Variants in CERS1 observed in about 807,000 individuals in gnomAD.
The protein encoded by CERS1 is ceramide synthase 1.
CERS1 carries 16 observed loss-of-function variants against 35.7 expected under a neutral mutation model. The ratio of observed to expected loss-of-function variants is 0.45; its 90% CI spans 0.30 to 0.68. The LOEUF (loss-of-function observed/expected upper bound fraction) is 0.68. CERS1 is among the 30% of genes least tolerant of loss of function. The pLI, the probability that CERS1 is intolerant of heterozygous loss-of-function variation, is 0.08. For synonymous variants in CERS1, 243 were observed against 201.6 expected (o/e 1.21, Z -1.74); for missense variants, 454 against 453.9 (o/e 1.00, Z 0.00).
At chr19:18,874,187 A>G (rs2056022714) in intron 6 of CERS1, among the ~76,000 whole-genome samples, 1 of 152,172 alleles carries the variant, frequency 6.6e-6, no homozygotes, top group Non-Finnish European at 1.5e-5. Flanking sequence ...TCTTGGGGAC[A>G]TGTTGGCCAG....
chr19:18,884,629 G>A (rs1245761037), intron 2 of CERS1, among the ~76,000 whole-genome samples: 9 of 149,942 alleles, frequency 6.0e-5, no homozygotes, highest in African/African-American at 2.2e-4. Context: ...GGATGGTCTC[G>A]ATCTCCTGAC....
rs1335008737 is a variant in CERS1, at chr19:18,868,780, C to G, written c.*1205G>C. 1 of 1,465,016 alleles carries G rather than the reference C, an allele frequency of 6.8e-7. No individual in the cohort carries two copies. The highest frequency in any genetic ancestry group is 9.1e-7 in the Non-Finnish European group (1 of 1,099,828). 90.8% of individuals were successfully genotyped at this position (1,465,016 alleles called of 1,614,324 possible). ...GCAGCACAGCGTGGTTGAGCGCCGG[C>G]GGCCCCCCGGACCCCGACAGCGCGA... On this transcript the variant is annotated 3_prime_UTR_variant, in exon 8 of 8. Coordinates refer to ENST00000623882, the MANE Select transcript of CERS1 (RefSeq NM_021267.5).
chr19:18,869,800 T>C (rs2055931405), intron 7 of CERS1, among the ~76,000 whole-genome samples, 183 bp downstream of exon 7: 1 of 152,004 alleles, frequency 6.6e-6, no homozygotes, highest in Non-Finnish European at 1.5e-5. Context: ...CCCCCTGACA[T>C]GTGTCCCCGG....
At chr19:18,871,515 C>G (rs1387809710) in intron 6 of CERS1, among the ~76,000 whole-genome samples, 1 of 152,166 alleles carries the variant, frequency 6.6e-6, no homozygotes, top group Non-Finnish European at 1.5e-5. Context: ...AGCCACCGTG[C>G]CTGGCCCCAG....
At chr19:18,877,901 G>T in intron 6 of CERS1, 1 of 935,312 alleles carries the variant, frequency 1.1e-6, no homozygotes, top group Non-Finnish European at 1.3e-6. Context: ...ACCAGCTCGA[G>T]CCAAAAGTCT....
chr19:18,878,246 C>T lies in CERS1; in HGVS notation c.1010+684G>A, dbSNP rs191513907. On this transcript the variant is annotated intron_variant, in intron 6 of 7. Transcript: ENST00000623882. The surrounding 1 kb of genome is among the most constrained non-coding windows in gnomAD (Gnocchi z 4.6). ...CGTTGCCTATGAGACACTGCACACCCGACTCTGCTTGTTACCCAGTTTGGC... is the reference window on the plus strand; with the variant it reads ...CGTTGCCTATGAGACACTGCACACCTGACTCTGCTTGTTACCCAGTTTGGC... The T allele has an allele frequency of 1.7e-4, 166 of 985,822 alleles. 1 individual carries two copies. The East Asian group carries it at 2.6e-3, about 16-fold the overall frequency. 61.1% of individuals were successfully genotyped at this position (985,822 alleles called of 1,614,324 possible).
chr19:18,893,514 C>T lies in CERS1; in HGVS notation c.311G>A (p.Trp104Ter). 6.2e-7 allele frequency: 1 copy of T among 1,610,482 alleles called. No homozygotes were observed. The highest frequency in any genetic ancestry group is 8.5e-7 in the Non-Finnish European group (1 of 1,178,688). ...RDAAKMPESA[W>*]KFLFYLGSWS... ...GCTGCCCAGGTAGAAGAGAAACTTCCAAGCGCTCTCGGGCATCTTGGCGGC... is the reference window on the plus strand; with the variant it reads ...GCTGCCCAGGTAGAAGAGAAACTTCTAAGCGCTCTCGGGCATCTTGGCGGC... Residue 104 changes from tryptophan to a stop codon, truncating the protein, a stop_gained, in exon 2 of 8, where the codon TGG becomes TAG. Transcript: ENST00000623882. LOFTEE classifies it high-confidence loss of function.
chr19:18,868,783 C>A lies in CERS1; in HGVS notation c.*1202G>T, dbSNP rs1288122892. 4.8e-6 allele frequency: 7 copies of A among 1,459,362 alleles called. No individual in the cohort carries two copies. The highest frequency in any genetic ancestry group is 3.1e-5 in the East Asian group (1 of 31,858). 90.4% of individuals were successfully genotyped at this position (1,459,362 alleles called of 1,614,324 possible). On this transcript the variant is annotated 3_prime_UTR_variant, in exon 8 of 8. Coordinates refer to ENST00000623882, the MANE Select transcript of CERS1 (RefSeq NM_021267.5). ...GCACAGCGTGGTTGAGCGCCGGCGGCCCCCCGGACCCCGACAGCGCGACGG... is the reference window on the plus strand; with the variant it reads ...GCACAGCGTGGTTGAGCGCCGGCGGACCCCCGGACCCCGACAGCGCGACGG...
At chr19:18,876,594 A>C (rs1214708389) in intron 6 of CERS1, among the ~76,000 whole-genome samples, 3 of 150,420 alleles carry the variant, frequency 2.0e-5, no homozygotes, top group East Asian at 3.9e-4. Context: ...TATATTGCCC[A>C]GGCTGGTCTT....
rs1191052785 is a variant in CERS1 at position 18,878,051 on chromosome 19, G to A, written c.1010+879C>T. The A allele has an allele frequency of 2.5e-5, 25 of 985,246 alleles. No individual in the cohort carries two copies. Among genetic ancestry groups the A allele is most frequent in the African/African-American group, 5.2e-5 (3 of 57,170 alleles). The allele number at this position is 985,246 out of a possible 1,614,324, so 61.0% of individuals were successfully genotyped here. A position where few individuals can be genotyped will look rare whatever the true frequency, so the allele number is the denominator to read the frequency against. Reference sequence around the variant, plus strand: ...CGGATGTGTTAAATGTCTGCATCTCGCACCTCCCGTTCCAAAAAACGTCAC... The same window carrying A: ...CGGATGTGTTAAATGTCTGCATCTCACACCTCCCGTTCCAAAAAACGTCAC... On this transcript the variant is annotated intron_variant, in intron 6 of 7. Coordinates refer to ENST00000623882, the MANE Select transcript of CERS1 (RefSeq NM_021267.5). This position sits in a 1 kb window ranked among gnomAD's most constrained non-coding sequence, Gnocchi z 4.6.
chr19:18,877,543 G>C (rs779118491), intron 6 of CERS1, among the ~76,000 whole-genome samples: 1 of 152,140 alleles, frequency 6.6e-6, no homozygotes, highest in Non-Finnish European at 1.5e-5. Context: ...CTTGAGCCCA[G>C]GTGTTTGAGA....
chr19:18,893,713 C>G, intron 1 of CERS1, 138 bp from the exon 2 acceptor site: 4 of 864,318 alleles, frequency 4.6e-6, no homozygotes, highest in East Asian at 2.7e-5. Flanking sequence ...CCACAGCCAC[C>G]TGGAGCATAA....
chr19:18,891,740 G>T (rs1486262582), intron 2 of CERS1, among the ~76,000 whole-genome samples: 1 of 151,470 alleles, frequency 6.6e-6, no homozygotes, highest in East Asian at 1.9e-4. Flanking sequence ...ACCATACCAG[G>T]CTAATTTTTT....
intron 6 of CERS1, among the ~76,000 whole-genome samples, chr19:18,872,348 C>T (rs1314405276): frequency 6.6e-6 from 1 of 152,040 alleles, no homozygotes; most frequent in Non-Finnish European, 1.5e-5. Context: ...ATCTTTTTTT[C>T]TTGTTTTGTT....
chr19:18,887,645 G>C (rs531179679), intron 2 of CERS1, among the ~76,000 whole-genome samples: 2 of 151,426 alleles, frequency 1.3e-5, no homozygotes, highest in Non-Finnish European at 1.5e-5. Context: ...CTCGAAGGCT[G>C]AGGCAGGAGC....
Position 18,879,344 on chromosome 19 carries a change from G to C in CERS1, c.797C>G (p.Ala266Gly). The C allele has an allele frequency of 6.2e-7, 1 of 1,600,166 alleles. No homozygotes were observed. Among genetic ancestry groups the C allele is most frequent in the Non-Finnish European group, 8.5e-7 (1 of 1,173,624 alleles). Residue 266 changes from alanine to glycine, a missense_variant, in exon 5 of 8, where the codon GCC becomes GGC. Physicochemically the swap from Ala to Gly is moderately conservative, Grantham distance 60 (BLOSUM62 0). Transcript: ENST00000623882. Reference sequence around the variant, plus strand: ...CGTGCGCAGACTGCAGTGACTGGTGGCATACAGGACCTTGAGCGGGAACCA... The same window carrying C: ...CGTGCGCAGACTGCAGTGACTGGTGCCATACAGGACCTTGAGCGGGAACCA... ...LYWFPLKVLY[A>G]TSHCSLRTVP...
At position 18,868,612 on chromosome 19, in the gene CERS1, C is replaced by G; in HGVS notation, c.*1373G>C. 6.4e-7 allele frequency: 1 copy of G among 1,563,320 alleles called. No individual in the cohort carries two copies. The highest frequency in any genetic ancestry group is 8.7e-7 in the Non-Finnish European group (1 of 1,154,016). The stretch of plus-strand genomic sequence containing the variant: ...CCGCCCCGGGTTAGCGGCAGCCGCA[C>G]TCGTCCACCACCATGTCCTCATACT... On this transcript the variant is annotated 3_prime_UTR_variant, in exon 8 of 8. Transcript: ENST00000623882.
At chr19:18,892,915 CT>C (rs143561972) in intron 2 of CERS1, among the ~76,000 whole-genome samples, 3,010 of 151,994 alleles carry the variant, frequency 0.02, 47 homozygotes, top group Non-Finnish European at 0.032. Context: ...TTACACTGTT[CT>C]TTTTTTCTTT....
intron 4 of CERS1, among the ~76,000 whole-genome samples, 176 bp downstream of exon 4, chr19:18,880,098 C>A (rs2056164614): frequency 6.6e-6 from 1 of 151,530 alleles, no homozygotes. Flanking sequence ...CTACTCCTTT[C>A]CTGTATAGCC....
Sources: allele counts gnomAD v4.1 joint callset (sites outside exome capture counted in the v4.1 genomes callset), GRCh38; gene constraint gnomAD v4.1.1; non-coding constraint Gnocchi (gnomAD v3.1); transcripts MANE v1.5; gene names NCBI Gene and HGNC (gene_info 2026-07-23, HGNC 2026-07-21).